Variants in ANKFN1 observed in about 807,000 individuals in gnomAD.
ANKFN1 encodes ankyrin repeat and fibronectin type-III domain-containing protein 1.
Under a neutral mutation model 108.7 loss-of-function variants are expected in ANKFN1, and 74 were observed. The ratio of observed to expected loss-of-function variants is 0.68; its 90% CI spans 0.56 to 0.83. The LOEUF (loss-of-function observed/expected upper bound fraction) is 0.83. Among genes scored for constraint, ANKFN1 ranks in the 40% least tolerant of loss-of-function variants. ANKFN1 has a pLI of 0.00. For missense variants in ANKFN1, 1,505 were observed against 1,382.3 expected (o/e 1.09, Z -1.41); for synonymous variants, 547 against 516.2 (o/e 1.06, Z -0.81).
intron 3 of ANKFN1, among the ~76,000 whole-genome samples, chr17:56,301,660 T>C (rs1232638319): frequency 1.3e-5 from 2 of 152,196 alleles, no homozygotes; most frequent in Non-Finnish European, 2.9e-5. Context: ...ACACAGAGCT[T>C]TGAAGGGCTT....
In ANKFN1 at chr17:56,350,838, C is replaced by T; in HGVS notation, c.261C>T (p.Pro87=). 6.2e-7 allele frequency: 1 copy of T among 1,613,892 alleles called. No homozygotes were observed. The highest frequency in any genetic ancestry group is 8.5e-7 in the Non-Finnish European group (1 of 1,179,894). The change falls in exon 5 of 21, where the codon CCC becomes CCT. Residue 87 remains proline (P), a synonymous_variant. Transcript: ENST00000682825. The part of the protein sequence containing the change: ...HLCQSKKHSA[P]SSPNAAKRLY... Reference sequence around the variant, plus strand: ...GTCAGTCAAAAAAACATAGTGCTCCCTCATCTCCCAACGCAGCCAAACGCC... The same window carrying T: ...GTCAGTCAAAAAAACATAGTGCTCCTTCATCTCCCAACGCAGCCAAACGCC...
intron 3 of ANKFN1, among the ~76,000 whole-genome samples, chr17:56,294,122 T>A (rs2044443480): frequency 6.6e-6 from 1 of 152,218 alleles, no homozygotes; most frequent in African/African-American, 2.4e-5. Flanking sequence ...GGAGCAAAAA[T>A]TTGTTTTGCT....
chr17:56,205,624 C>T (rs945695907), intron 1 of ANKFN1, among the ~76,000 whole-genome samples: 2 of 152,166 alleles, frequency 1.3e-5, no homozygotes, highest in Non-Finnish European at 2.9e-5. Flanking sequence ...AAAAGTGATA[C>T]TATAGCCATC....
intron 4 of ANKFN1, among the ~76,000 whole-genome samples, chr17:56,142,701 G>A (rs1291546228): frequency 1.3e-5 from 2 of 152,170 alleles, no homozygotes; most frequent in African/African-American, 4.8e-5. Flanking sequence ...GAACCAGGGT[G>A]GTCCCAAAGC....
intron 4 of ANKFN1, among the ~76,000 whole-genome samples, chr17:56,336,247 A>G (rs2045806831): frequency 6.6e-6 from 1 of 152,206 alleles, no homozygotes; most frequent in Non-Finnish European, 1.5e-5. Flanking sequence ...TGAGTTAAGG[A>G]GGATTCCCTC....
At chr17:56,490,399 T>C (rs1289206545) in intron 18 of ANKFN1, among the ~76,000 whole-genome samples, 1 of 152,136 alleles carries the variant, frequency 6.6e-6, no homozygotes, top group Non-Finnish European at 1.5e-5. Flanking sequence ...GGAAAAGGCA[T>C]GTTTCAAAGC....
chr17:56,260,466 G>T (rs971555121), intron 3 of ANKFN1, among the ~76,000 whole-genome samples: 1 of 152,084 alleles, frequency 6.6e-6, no homozygotes, highest in Admixed American at 6.5e-5. Context: ...GGCAAATAGG[G>T]GCGGGTGGGG....
intron 3 of ANKFN1, among the ~76,000 whole-genome samples, chr17:56,319,012 C>T (rs1226945271): frequency 6.6e-6 from 1 of 151,978 alleles, no homozygotes; most frequent in Non-Finnish European, 1.5e-5. Flanking sequence ...GAATCTGTGA[C>T]TTTTAACTGC....
At chr17:56,462,754 A>G (rs2049950041) in intron 14 of ANKFN1, among the ~76,000 whole-genome samples, 1 of 152,058 alleles carries the variant, frequency 6.6e-6, no homozygotes, top group Non-Finnish European at 1.5e-5. Flanking sequence ...CTGCCTGATT[A>G]CTCCAATTTG....
chr17:56,440,921 A>G (rs1024308317), intron 9 of ANKFN1, among the ~76,000 whole-genome samples: 9 of 152,198 alleles, frequency 5.9e-5, no homozygotes, highest in African/African-American at 2.2e-4. Flanking sequence ...ATGTTTTCAC[A>G]AAAAAGAAAC....
chr17:56,399,963 A>G (rs1188953092), intron 8 of ANKFN1, among the ~76,000 whole-genome samples: 1 of 148,712 alleles, frequency 6.7e-6, no homozygotes, highest in East Asian at 1.9e-4. Context: ...ATATATCACA[A>G]TTTTTTTAAT....
At chr17:56,388,425 C>T (rs181820252) in intron 8 of ANKFN1, among the ~76,000 whole-genome samples, 24 of 152,292 alleles carry the variant, frequency 1.6e-4, no homozygotes, top group African/African-American at 5.5e-4. Flanking sequence ...AGTCACTGCA[C>T]CCAGTCAGCT....
intron 4 of ANKFN1, among the ~76,000 whole-genome samples, chr17:56,064,959 G>A (rs1324951054): frequency 6.6e-6 from 1 of 152,190 alleles, no homozygotes; most frequent in Admixed American, 6.5e-5. Context: ...CCTTGGCAGG[G>A]GTGGGGGCTC....
At chr17:56,481,836 A>G (rs2050715939) in intron 17 of ANKFN1, among the ~76,000 whole-genome samples, 1 of 152,240 alleles carries the variant, frequency 6.6e-6, no homozygotes, top group Non-Finnish European at 1.5e-5. Context: ...AGATACTATT[A>G]AAGCGTTTCT....
intron 6 of ANKFN1, chr17:56,368,058 A>G: frequency 3.2e-6 from 2 of 615,724 alleles, no homozygotes; most frequent in Non-Finnish European, 4.8e-6. Flanking sequence ...AAATAGCCCC[A>G]TTCTGCCATC....
In ANKFN1 at chr17:56,513,399, T is replaced by C. The variant is rs1329371535; in HGVS notation, c.*2130T>C. Among the ~76,000 whole-genome samples, 1 of 152,274 alleles carries C rather than the reference T, an allele frequency of 6.6e-6. No individual in the cohort carries two copies. Among genetic ancestry groups the C allele is most frequent in the Non-Finnish European group, 1.5e-5 (1 of 68,048 alleles). ...TTGGGAAAAACATCATTTCAAATTA[T>C]GCCTCTTAGTTAATAACAAGAATGG... On this transcript the variant is annotated 3_prime_UTR_variant, in exon 21 of 21. Coordinates refer to ENST00000682825, the MANE Select transcript of ANKFN1 (RefSeq NM_001370326.1).
intron 15 of ANKFN1, among the ~76,000 whole-genome samples, chr17:56,467,787 G>A (rs866717250): frequency 1.3e-5 from 1 of 75,518 alleles, no homozygotes; most frequent in African/African-American, 7.0e-5. Context: ...AAGAAAGAAA[G>A]AAAGAAGAAA....
At chr17:56,341,322 C>G (rs1475365821) in intron 4 of ANKFN1, among the ~76,000 whole-genome samples, 1 of 152,086 alleles carries the variant, frequency 6.6e-6, no homozygotes, top group Non-Finnish European at 1.5e-5. Context: ...ATTGCCTTGT[C>G]CAGAACTTCC....
chr17:56,067,863 A>T (rs543787370), intron 4 of ANKFN1, among the ~76,000 whole-genome samples: 2 of 152,284 alleles, frequency 1.3e-5, no homozygotes, highest in African/African-American at 4.8e-5. Context: ...TCTGGAATAC[A>T]GTTTTCCTGG....
Sources: gnomAD v4.1 joint callset for allele counts (sites outside exome capture counted in the v4.1 genomes callset) on GRCh38, gnomAD v4.1.1 for gene constraint, MANE v1.5 for transcripts, NCBI Gene and HGNC (gene_info 2026-07-23, HGNC 2026-07-21) for gene names.